Variants in CAMK1D observed in about 807,000 individuals in gnomAD.
The protein encoded by CAMK1D is calcium/calmodulin-dependent protein kinase type 1D.
CAMK1D carries 9 observed loss-of-function variants against 47.7 expected under a neutral mutation model. The observed-to-expected ratio is 0.19, with a 90% CI of 0.11 to 0.33. CAMK1D has a LOEUF of 0.33. CAMK1D is among the 10% of genes least tolerant of loss of function. The pLI is 1.00. For missense variants in CAMK1D, 291 were observed against 488.7 expected, an observed-to-expected ratio of 0.60 and a Z score of 3.81; for synonymous variants, 184 against 184.9, an observed-to-expected ratio of 0.99 and a Z score of 0.04.
At chr10:12,648,415 A>G (rs1480776041) in intron 2 of CAMK1D, among the ~76,000 whole-genome samples, 1 of 152,176 alleles carries the variant, frequency 6.6e-6, no homozygotes, top group Non-Finnish European at 1.5e-5. Flanking sequence ...ATGATCAGTA[A>G]TGGCTACTCC....
intron 1 of CAMK1D, among the ~76,000 whole-genome samples, chr10:12,464,850 C>T (rs898717637): frequency 5.3e-5 from 8 of 151,428 alleles, no homozygotes; most frequent in African/African-American, 1.7e-4. Flanking sequence ...AAATTCATCC[C>T]AAATGTATTT....
chr10:12,422,438 T>C (rs1259972978), intron 1 of CAMK1D, among the ~76,000 whole-genome samples: 1 of 152,204 alleles, frequency 6.6e-6, no homozygotes, highest in East Asian at 1.9e-4. Flanking sequence ...AGGCGGCCCA[T>C]GCCTGGGGCA....
At chr10:12,643,442 C>T (rs1424254633) in intron 2 of CAMK1D, among the ~76,000 whole-genome samples, 2 of 152,150 alleles carry the variant, frequency 1.3e-5, no homozygotes, top group Non-Finnish European at 2.9e-5. Context: ...GGCGAAGCTG[C>T]GTTTGTATTT....
At chr10:12,711,003 A>G (rs909567908) in intron 3 of CAMK1D, among the ~76,000 whole-genome samples, 2 of 152,164 alleles carry the variant, frequency 1.3e-5, no homozygotes, top group Admixed American at 1.3e-4. Flanking sequence ...GTATTTCATC[A>G]TGCAGTCAAA....
intron 1 of CAMK1D, among the ~76,000 whole-genome samples, chr10:12,541,437 C>T (rs917583103): frequency 2.0e-5 from 3 of 152,034 alleles, no homozygotes; most frequent in South Asian, 2.1e-4. Flanking sequence ...GATCTCAGCT[C>T]ACTGCAACCT....
At chr10:12,408,857 T>C (rs1348053154) in intron 1 of CAMK1D, among the ~76,000 whole-genome samples, 3 of 149,120 alleles carry the variant, frequency 2.0e-5, no homozygotes, top group Admixed American at 6.7e-5. Flanking sequence ...TCTTTTTTTT[T>C]TTTTTTTTTG....
intron 3 of CAMK1D, among the ~76,000 whole-genome samples, chr10:12,676,146 G>T (rs1840801738): frequency 6.6e-6 from 1 of 152,102 alleles, no homozygotes; most frequent in African/African-American, 2.4e-5. Context: ...TAGAGACAGG[G>T]TTTCACCGTG....
intron 2 of CAMK1D, among the ~76,000 whole-genome samples, chr10:12,627,480 C>G (rs1045565757): frequency 2.0e-5 from 3 of 152,014 alleles, no homozygotes; most frequent in Non-Finnish European, 4.4e-5. Context: ...TAATCATTAC[C>G]CCAGTCAAGG....
intron 1 of CAMK1D, among the ~76,000 whole-genome samples, chr10:12,418,306 T>A (rs1839927199): frequency 6.6e-6 from 1 of 152,230 alleles, no homozygotes; most frequent in African/African-American, 2.4e-5. Context: ...AGCTGTTGAC[T>A]GATTAGAGAT....
intron 1 of CAMK1D, among the ~76,000 whole-genome samples, chr10:12,452,648 C>T (rs1363609875): frequency 6.6e-6 from 1 of 151,674 alleles, no homozygotes; most frequent in Non-Finnish European, 1.5e-5. Flanking sequence ...TGCAGTGGTG[C>T]AGTCTTGACT....
Position 12,623,137 on chromosome 10 carries a change from CT to C in CAMK1D, c.225-43597del, listed in dbSNP as rs1210305251. ...CCTTCCTTCTTTCCTTCCTCCCTCC[CT>C]TCCTCCCTTCCTTCCTCCCTCCTTT... On this transcript the variant is annotated intron_variant, in intron 2 of 10. Coordinates refer to ENST00000619168, the MANE Select transcript of CAMK1D (RefSeq NM_153498.4). Among the ~76,000 whole-genome samples the C allele has an allele frequency of 2.5e-4, 9 of 36,512 alleles. 1 individual carries two copies. Among genetic ancestry groups the C allele is most frequent in the African/African-American group, 6.1e-4 (7 of 11,538 alleles). 24.0% of individuals were successfully genotyped at this position (36,512 alleles called of 152,430 possible).
rs141949621 is a variant in CAMK1D, at chr10:12,382,506, G to A, written c.92+32596G>A. ...ACCCAGACATAAAAATGCTAATACT[G>A]TTTAGAAAGATTTTAGCTATAAAAG... On this transcript the variant is annotated intron_variant, in intron 1 of 10. Transcript: ENST00000619168. Among the ~76,000 whole-genome samples the A allele has an allele frequency of 3.3e-5, 5 of 152,198 alleles. No homozygotes were observed. The East Asian group carries it at 9.6e-4, about 29-fold the overall frequency.
chr10:12,479,820 G>A (rs1246543594), intron 1 of CAMK1D, among the ~76,000 whole-genome samples: 1 of 152,344 alleles, frequency 6.6e-6, no homozygotes, highest in Middle Eastern at 3.4e-3. Context: ...AGGAGCCGAG[G>A]GAGTGCATTG....
chr10:12,415,455 ATT>A (rs5783266), intron 1 of CAMK1D, among the ~76,000 whole-genome samples: 6 of 93,146 alleles, frequency 6.4e-5, no homozygotes, highest in Admixed American at 1.3e-4. Flanking sequence ...CGCCTGGCTA[ATT>A]TTTTTTTTTT....
At chr10:12,429,076 G>A (rs1488142920) in intron 1 of CAMK1D, among the ~76,000 whole-genome samples, 1 of 152,140 alleles carries the variant, frequency 6.6e-6, no homozygotes, top group Non-Finnish European at 1.5e-5. Context: ...ATGGGGGTAT[G>A]GTGTGGCCTC....
intron 1 of CAMK1D, among the ~76,000 whole-genome samples, chr10:12,463,001 C>T (rs578119761): frequency 6.6e-6 from 1 of 152,246 alleles, no homozygotes; most frequent in African/African-American, 2.4e-5. Flanking sequence ...GAGCATATGC[C>T]AGAGAATAAA....
chr10:12,424,328 C>T (rs143293749), intron 1 of CAMK1D, among the ~76,000 whole-genome samples: 3 of 152,224 alleles, frequency 2.0e-5, no homozygotes, highest in African/African-American at 7.2e-5. Context: ...CCAAGATGGA[C>T]GTCCAGTTAC....
At chr10:12,751,490 A>C (rs1479267171) in intron 3 of CAMK1D, among the ~76,000 whole-genome samples, 1 of 152,194 alleles carries the variant, frequency 6.6e-6, no homozygotes, top group East Asian at 1.9e-4. Context: ...CTCTGGGTAA[A>C]CAGCGGTAAA....
chr10:12,727,962 C>T (rs1461761865), intron 3 of CAMK1D, among the ~76,000 whole-genome samples: 3 of 152,110 alleles, frequency 2.0e-5, no homozygotes, highest in African/African-American at 7.2e-5. Context: ...GACGGGATTT[C>T]ACCATGCTGG....
Sources: allele counts gnomAD v4.1 joint callset (sites outside exome capture counted in the v4.1 genomes callset), GRCh38; gene constraint gnomAD v4.1.1; transcripts MANE v1.5; gene names NCBI Gene and HGNC (gene_info 2026-07-23, HGNC 2026-07-21).